The following TECRL variants were observed in gnomAD, a reference collection of about 807,000 sequenced individuals.
TECRL encodes the protein trans-2,3-enoyl-CoA reductase-like.
In TECRL, 63 loss-of-function variants were observed where a neutral mutation model predicts 52.8. The observed-to-expected ratio is 1.19, with a 90% CI of 0.97 to 1.47. The LOEUF (loss-of-function observed/expected upper bound fraction) is 1.47. TECRL is among the 40% of genes most tolerant of loss of function. The pLI is 0.00. For synonymous variants in TECRL, 164 were observed against 141.9 expected (o/e 1.16, Z -1.10); for missense variants, 482 against 429.6 (o/e 1.12, Z -1.08).
chr4:64,350,518 T>A (rs1218723382), intron 2 of TECRL, among the ~76,000 whole-genome samples: 1 of 152,190 alleles, frequency 6.6e-6, no homozygotes, highest in African/African-American at 2.4e-5. Flanking sequence ...CATTTTATTA[T>A]ATTTTATTCT....
At position 64,378,785 on chromosome 4, in the gene TECRL, TTAACTGAATTA is replaced by T. The variant is rs1722573387; in HGVS notation, c.235-3573_235-3563del. On this transcript the variant is annotated intron_variant, in intron 1 of 11. Coordinates refer to ENST00000381210, the MANE Select transcript of TECRL (RefSeq NM_001010874.5). ...TTAACAAGGTTTAAATGTTTAAATT[TTAACTGAATTA>T]TACTATGGTTTCTCTTCAGATCATA... is the stretch of plus-strand genomic sequence containing the variant. 2.6e-5 allele frequency among the ~76,000 whole-genome samples: 4 copies of T among 152,190 alleles called. No homozygotes were observed. In the South Asian group the frequency reaches 8.3e-4, roughly 32 times the overall value.
chr4:64,295,443 CA>C (rs1301834797), intron 8 of TECRL, among the ~76,000 whole-genome samples: 22 of 151,342 alleles, frequency 1.5e-4, no homozygotes, highest in Admixed American at 1.4e-3. Context: ...AAAATTATTT[CA>C]TCTCTACTAT....
intron 1 of TECRL, among the ~76,000 whole-genome samples, chr4:64,384,043 T>C (rs1377268604): frequency 6.6e-6 from 1 of 152,168 alleles, no homozygotes; most frequent in Non-Finnish European, 1.5e-5. Flanking sequence ...GCTGCACTTG[T>C]AGGTGAAGGC....
intron 1 of TECRL, among the ~76,000 whole-genome samples, chr4:64,393,916 T>C (rs1723731736): frequency 6.6e-6 from 1 of 152,064 alleles, no homozygotes; most frequent in Non-Finnish European, 1.5e-5. Flanking sequence ...AAATGTTACA[T>C]ACATATTTTA....
At chr4:64,341,569 C>T (rs1162456394) in intron 2 of TECRL, among the ~76,000 whole-genome samples, 2 of 152,006 alleles carry the variant, frequency 1.3e-5, no homozygotes, top group African/African-American at 4.8e-5. Flanking sequence ...CACATCATTG[C>T]ACTCCAGCCT....
intron 9 of TECRL, among the ~76,000 whole-genome samples, chr4:64,287,138 G>A (rs1232660351): frequency 4.0e-5 from 6 of 151,860 alleles, no homozygotes; most frequent in Non-Finnish European, 8.8e-5. Context: ...CAACAGCATT[G>A]GCCTTACATG....
intron 1 of TECRL, among the ~76,000 whole-genome samples, chr4:64,389,814 G>A (rs1479200230): frequency 1.3e-5 from 2 of 151,694 alleles, no homozygotes; most frequent in South Asian, 2.1e-4. Context: ...AATTTAAATT[G>A]TTCTTGGAAA....
At position 64,325,677 on chromosome 4, in the gene TECRL, G is replaced by A. The variant is rs1032867710; in HGVS notation, c.331+2835C>T. ...ATAAGAACAAGAAAATGTTAAAAAG[G>A]ACAAAAAATTCAGCTGGCTTTGTAT... On this transcript the variant is annotated intron_variant, in intron 3 of 11. Coordinates refer to ENST00000381210, the MANE Select transcript of TECRL (RefSeq NM_001010874.5). 1.1e-4 allele frequency among the ~76,000 whole-genome samples: 17 copies of A among 152,022 alleles called. 1 individual carries two copies. The highest frequency in any genetic ancestry group is 4.1e-4 in the African/African-American group (17 of 41,400).
chr4:64,341,535 G>A (rs1365409776), intron 2 of TECRL, among the ~76,000 whole-genome samples: 4 of 152,210 alleles, frequency 2.6e-5, no homozygotes, highest in Admixed American at 6.5e-5. Context: ...GGGAGGTGGA[G>A]GTGAGGTTTC....
At chr4:64,285,376 G>T (rs548830882) in intron 9 of TECRL, among the ~76,000 whole-genome samples, 23 of 151,954 alleles carry the variant, frequency 1.5e-4, no homozygotes, top group Non-Finnish European at 2.9e-4. Context: ...CTCATTCCTT[G>T]CCTCTTTTCC....
chr4:64,299,775 A>G (rs1277662013), intron 8 of TECRL, among the ~76,000 whole-genome samples, 199 bp downstream of exon 8: 1 of 150,928 alleles, frequency 6.6e-6, no homozygotes, highest in Non-Finnish European at 1.5e-5. Context: ...AGAGATGACT[A>G]CAACATTTTG....
chr4:64,403,901 T>C (rs1315687500), intron 1 of TECRL, among the ~76,000 whole-genome samples: 2 of 151,700 alleles, frequency 1.3e-5, no homozygotes, highest in Non-Finnish European at 2.9e-5. Flanking sequence ...GTCATTTGCA[T>C]GTACACGAAA....
intron 2 of TECRL, among the ~76,000 whole-genome samples, chr4:64,363,459 G>A (rs1228933846): frequency 2.6e-5 from 4 of 152,116 alleles, no homozygotes; most frequent in Admixed American, 6.6e-5. Context: ...TTTGCCACGA[G>A]AGTACACCCA....
Position 64,277,742 on chromosome 4 carries a change from T to C in TECRL, c.*2330A>G, listed in dbSNP as rs1722623116. 1 of 151,742 alleles carries C rather than the reference T, an allele frequency of 6.6e-6. No homozygotes were observed. Among genetic ancestry groups the C allele is most frequent in the Non-Finnish European group, 1.5e-5 (1 of 67,748 alleles). 9.4% of individuals were successfully genotyped at this position (151,742 alleles called of 1,614,324 possible). A position where few individuals can be genotyped will look rare whatever the true frequency, so the allele number is the denominator to read the frequency against. On this transcript the variant is annotated 3_prime_UTR_variant, in exon 12 of 12. Coordinates refer to ENST00000381210, the MANE Select transcript of TECRL (RefSeq NM_001010874.5). The stretch of plus-strand genomic sequence containing the variant: ...TTATAACATATGTATAATCTGAGAA[T>C]TGAAAATACTCCATAGACTAACAAA...
intron 5 of TECRL, among the ~76,000 whole-genome samples, chr4:64,314,356 T>G (rs964062171): frequency 9.2e-5 from 14 of 152,160 alleles, no homozygotes; most frequent in Non-Finnish European, 1.9e-4. Flanking sequence ...TTCTTTTGAC[T>G]ACGTTTCTGA....
At chr4:64,325,690 G>T (rs1718215354) in intron 3 of TECRL, among the ~76,000 whole-genome samples, 1 of 152,010 alleles carries the variant, frequency 6.6e-6, no homozygotes, top group South Asian at 2.1e-4. Context: ...AAAAAATTCA[G>T]CTGGCTTTGT....
chr4:64,379,374 T>C (rs1188667135), intron 1 of TECRL, among the ~76,000 whole-genome samples: 7 of 152,044 alleles, frequency 4.6e-5, no homozygotes, highest in Non-Finnish European at 8.8e-5. Flanking sequence ...ACTATACATA[T>C]TTACGGGGTG....
chr4:64,313,922 A>G lies in TECRL; in HGVS notation c.551+726T>C, dbSNP rs1400177933. ...GCCGAGGCGGGCGGATCACGAGGTC[A>G]GGAGATCAAGACCACCCTGGCTAAC... On this transcript the variant is annotated intron_variant, in intron 5 of 11. Transcript: ENST00000381210. Among the ~76,000 whole-genome samples, 6 of 145,488 alleles carry G rather than the reference A, an allele frequency of 4.1e-5. No homozygotes were observed. In the South Asian group the frequency reaches 1.1e-3, roughly 27 times the overall value.
In TECRL at chr4:64,290,863, T is replaced by C. The variant is rs1029729239; in HGVS notation, c.775-1096A>G. ...ATAATGTAAACAAATACACCAAATATATTAAATCTGTATTTAAAGATCCAG... is the reference window on the plus strand; with the variant it reads ...ATAATGTAAACAAATACACCAAATACATTAAATCTGTATTTAAAGATCCAG... On this transcript the variant is annotated intron_variant, in intron 8 of 11. Coordinates refer to ENST00000381210, the MANE Select transcript of TECRL (RefSeq NM_001010874.5). 9.8e-4 allele frequency among the ~76,000 whole-genome samples: 149 copies of C among 152,112 alleles called. 2 individuals carry two copies. The highest frequency in any genetic ancestry group is 3.1e-4 in the Non-Finnish European group (21 of 67,996).
Sources: allele counts gnomAD v4.1 joint callset (sites outside exome capture counted in the v4.1 genomes callset), GRCh38; gene constraint gnomAD v4.1.1; transcripts MANE v1.5; gene names NCBI Gene and HGNC (gene_info 2026-07-23, HGNC 2026-07-21).